PCDHGA12: variants seen among roughly 807,000 people sequenced by gnomAD.
PCDHGA12 encodes protocadherin gamma-A12.
PCDHGA12 carries 43 observed loss-of-function variants against 61.1 expected under a neutral mutation model. That is an observed-to-expected ratio of 0.70 (90% CI 0.55 to 0.91). PCDHGA12 has a LOEUF of 0.91. Ranked by LOEUF, PCDHGA12 falls within the 40% of genes least tolerant of loss-of-function variation. PCDHGA12 has a pLI of 0.00. For missense variants in PCDHGA12, 1,236 were observed against 1,227.7 expected, an observed-to-expected ratio of 1.01 and a Z score of -0.10; for synonymous variants, 520 against 542.9, an observed-to-expected ratio of 0.96 and a Z score of 0.59.
At position 141,487,075 on chromosome 5, in the gene PCDHGA12, C is replaced by T. The variant is rs755563146; in HGVS notation, c.2425-7732C>T. The T allele has an allele frequency of 1.9e-6, 3 of 1,614,116 alleles. No individual in the cohort carries two copies. The highest frequency in any genetic ancestry group is 2.5e-6 in the Non-Finnish European group (3 of 1,179,982). ...GGGAGGTGCGGACGGCTGTTCCTATCCCAGCTGACCTCCCACCACAGAAGC... is the reference window on the plus strand; with the variant it reads ...GGGAGGTGCGGACGGCTGTTCCTATTCCAGCTGACCTCCCACCACAGAAGC... On this transcript the variant is annotated intron_variant, in intron 1 of 3. Transcript: ENST00000252085. This position sits in a 1 kb window ranked among gnomAD's most constrained non-coding sequence, Gnocchi z 5.0.
chr5:141,468,860 C>A (rs941902317), intron 1 of PCDHGA12, among the ~76,000 whole-genome samples: 16 of 151,980 alleles, frequency 1.1e-4, no homozygotes, highest in Admixed American at 4.6e-4. Context: ...AGCGAGACTC[C>A]ATCTCAAAAA....
chr5:141,498,807 C>G (rs113587634), intron 2 of PCDHGA12, among the ~76,000 whole-genome samples: 1 of 152,030 alleles, frequency 6.6e-6, no homozygotes, highest in Non-Finnish European at 1.5e-5. Flanking sequence ...GTGGTGCACA[C>G]CTGTAGTCCC....
chr5:141,470,100 G>A (rs1259251144), intron 1 of PCDHGA12, among the ~76,000 whole-genome samples: 2 of 152,178 alleles, frequency 1.3e-5, no homozygotes, highest in African/African-American at 4.8e-5. Context: ...CTACATTCCA[G>A]TCTGAGCAAC....
chr5:141,436,068 T>A (rs1343785335), intron 1 of PCDHGA12, among the ~76,000 whole-genome samples: 1 of 152,190 alleles, frequency 6.6e-6, no homozygotes, highest in Non-Finnish European at 1.5e-5. Flanking sequence ...ATTTAATAAG[T>A]ACAGTGTTCT....
Position 141,485,400 on chromosome 5 carries a change from G to A in PCDHGA12, c.2425-9407G>A. On this transcript the variant is annotated intron_variant, in intron 1 of 3. Transcript: ENST00000252085. The surrounding 1 kb of genome is among the most constrained non-coding windows in gnomAD (Gnocchi z 5.7). ...GGAGAGGTGAACCAAAGACACTTCC[G>A]TGTGGATTTGGACAGCGGAGCCCTG... is the stretch of plus-strand genomic sequence containing the variant. The A allele has an allele frequency of 6.2e-7, 1 of 1,614,076 alleles. No homozygotes were observed. The highest frequency in any genetic ancestry group is 8.5e-7 in the Non-Finnish European group (1 of 1,179,948).
chr5:141,455,406 C>A (rs991797932), intron 1 of PCDHGA12, among the ~76,000 whole-genome samples: 1 of 152,108 alleles, frequency 6.6e-6, no homozygotes, highest in Non-Finnish European at 1.5e-5. Flanking sequence ...CTTACAGAGA[C>A]AGAGGGAGCG....
chr5:141,491,110 C>T lies in PCDHGA12; in HGVS notation c.2425-3697C>T. On this transcript the variant is annotated intron_variant, in intron 1 of 3. Transcript: ENST00000252085. This position sits in a 1 kb window ranked among gnomAD's most constrained non-coding sequence, Gnocchi z 6.9. ...CCCAGGACTGTTCCTCGTGTCTACA[C>T]ACACTGGTGAGGTGCGCACAGCCCG... 3.7e-6 allele frequency: 6 copies of T among 1,614,212 alleles called. No individual in the cohort carries two copies. Among genetic ancestry groups the T allele is most frequent in the Non-Finnish European group, 5.1e-6 (6 of 1,180,024 alleles).
At chr5:141,479,003 C>A (rs2099485569) in intron 1 of PCDHGA12, among the ~76,000 whole-genome samples, 1 of 152,176 alleles carries the variant, frequency 6.6e-6, no homozygotes, top group African/African-American at 2.4e-5. Flanking sequence ...AAACTAATAG[C>A]TTTTTGATAA....
Position 141,511,508 on chromosome 5 carries a change from C to T in PCDHGA12, c.*335C>T, listed in dbSNP as rs1339517659. 7.8e-6 allele frequency: 3 copies of T among 385,970 alleles called. No individual in the cohort carries two copies. Among genetic ancestry groups the T allele is most frequent in the Non-Finnish European group, 1.5e-5 (3 of 206,164 alleles). The allele number at this position is 385,970 out of a possible 1,614,324, so 23.9% of individuals were successfully genotyped here. Reference sequence around the variant, plus strand: ...TCCTCCATCTTCCAAATCAATCAGGCCCATCCATCCCATGCCTCCCTCCTC... The same window carrying T: ...TCCTCCATCTTCCAAATCAATCAGGTCCATCCATCCCATGCCTCCCTCCTC... On this transcript the variant is annotated 3_prime_UTR_variant, in exon 4 of 4. Coordinates refer to ENST00000252085, the MANE Select transcript of PCDHGA12 (RefSeq NM_003735.3).
At chr5:141,433,363 CTA>C (rs2097590674) in intron 1 of PCDHGA12, 180 bp downstream of exon 1, 2 of 463,314 alleles carry the variant, frequency 4.3e-6, no homozygotes, top group African/African-American at 5.6e-5. Flanking sequence ...GTCTGCCTAT[CTA>C]TCTATCTATC....
rs1280755615 is a variant in PCDHGA12 at position 141,431,629 on chromosome 5, A to C, written c.870A>C (p.Gln290His). Residue 290 changes from glutamine to histidine, a missense_variant, in exon 1 of 4, where the codon CAA becomes CAC. Gln to His is a conservative substitution (Grantham distance 24). Transcript: ENST00000252085. This position sits in a 1 kb window ranked among gnomAD's most constrained non-coding sequence, Gnocchi z 4.8. ...SFRYVDDKAA[Q>H]VFKLDCNSGT... ...GGTATGTGGACGACAAGGCGGCCCA[A>C]GTTTTCAAACTAGATTGTAATTCAG... 6.2e-7 allele frequency: 1 copy of C among 1,614,246 alleles called. No individual in the cohort carries two copies. Among genetic ancestry groups the C allele is most frequent in the South Asian group, 1.1e-5 (1 of 91,090 alleles).
intron 1 of PCDHGA12, among the ~76,000 whole-genome samples, chr5:141,448,952 C>A (rs1278778374): frequency 2.6e-5 from 4 of 151,698 alleles, no homozygotes; most frequent in Non-Finnish European, 5.9e-5. Flanking sequence ...CTCAAAAAAA[C>A]AAACAAACAA....
chr5:141,438,392 ATTAAC>A (rs1296512476), intron 1 of PCDHGA12, among the ~76,000 whole-genome samples: 3 of 151,714 alleles, frequency 2.0e-5, no homozygotes, highest in African/African-American at 7.3e-5. Context: ...TTAGTTCATC[ATTAAC>A]TCTCTGAAGT....
chr5:141,467,055 C>CTT (rs1193465269), intron 1 of PCDHGA12, among the ~76,000 whole-genome samples: 5 of 134,496 alleles, frequency 3.7e-5, no homozygotes, highest in African/African-American at 5.4e-5. Context: ...TCAATGTTTT[C>CTT]TTTTTTTTTT....
intron 3 of PCDHGA12, among the ~76,000 whole-genome samples, chr5:141,510,468 A>G (rs1246106107): frequency 2.0e-5 from 3 of 152,152 alleles, no homozygotes; most frequent in Admixed American, 2.0e-4. Flanking sequence ...TGTGGGAGTC[A>G]GAGGCTCCCT....
intron 1 of PCDHGA12, chr5:141,441,206 C>T (rs750648706): frequency 3.3e-5 from 5 of 152,150 alleles, no homozygotes; most frequent in African/African-American, 4.8e-5. Context: ...GATTCTGCAC[C>T]TTGGACAGTA....
Position 141,496,029 on chromosome 5 carries a change from C to T in PCDHGA12, c.2483+1164C>T, listed in dbSNP as rs548231443. ...TTGTCTTTTTTCTCTGAGCCTCTGTCTCTGTCTCTCATTTTTTTGTGCTTG... is the reference window on the plus strand; with the variant it reads ...TTGTCTTTTTTCTCTGAGCCTCTGTTTCTGTCTCTCATTTTTTTGTGCTTG... On this transcript the variant is annotated intron_variant, in intron 2 of 3. Coordinates refer to ENST00000252085, the MANE Select transcript of PCDHGA12 (RefSeq NM_003735.3). Among the ~76,000 whole-genome samples, 3 of 152,088 alleles carry T rather than the reference C, an allele frequency of 2.0e-5. No individual in the cohort carries two copies. In the East Asian group the frequency reaches 5.8e-4, roughly 29 times the overall value.
intron 1 of PCDHGA12, among the ~76,000 whole-genome samples, chr5:141,462,086 A>C (rs993185274): frequency 6.6e-6 from 1 of 151,410 alleles, no homozygotes; most frequent in Non-Finnish European, 1.5e-5. Flanking sequence ...GCCTCCCAAA[A>C]TGCTGGGATT....
At position 141,489,783 on chromosome 5, in the gene PCDHGA12, T is replaced by C; in HGVS notation, c.2425-5024T>C. The C allele has an allele frequency of 6.2e-7, 1 of 1,614,164 alleles. No individual in the cohort carries two copies. On this transcript the variant is annotated intron_variant, in intron 1 of 3. Transcript: ENST00000252085. The surrounding 1 kb of genome is among the most constrained non-coding windows in gnomAD (Gnocchi z 4.5). ...GCCCCAACAGCCACTTCTCTCTGAA[T>C]GTGAAGACCCTAAAAGATGGGAAGC... is the stretch of plus-strand genomic sequence containing the variant.
Sources: gnomAD v4.1 joint callset for allele counts (sites outside exome capture counted in the v4.1 genomes callset) on GRCh38, gnomAD v4.1.1 for gene constraint, Gnocchi (gnomAD v3.1) non-coding constraint, MANE v1.5 for transcripts, NCBI Gene and HGNC (gene_info 2026-07-23, HGNC 2026-07-21) for gene names.